Variants in CD247 observed in about 807,000 individuals in gnomAD.
The protein encoded by CD247 is CD247 molecule.
CD247 carries 13 observed loss-of-function variants against 30.0 expected under a neutral mutation model. That is an observed-to-expected ratio of 0.43 (90% confidence interval 0.28 to 0.69). The LOEUF (loss-of-function observed/expected upper bound fraction) is 0.69. CD247 is among the 30% of genes least tolerant of loss of function. The probability of loss-of-function intolerance (pLI) is 0.16; values close to 1 mark genes in which losing one functional copy is unlikely to be tolerated. For synonymous variants in CD247, 72 were observed against 80.0 expected, an observed-to-expected ratio of 0.90 and a Z score of 0.53; for missense variants, 193 against 212.6, an observed-to-expected ratio of 0.91 and a Z score of 0.57.
At chr1:167,448,150 G>A (rs1652181945) in intron 1 of CD247, among the ~76,000 whole-genome samples, 1 of 152,182 alleles carries the variant, frequency 6.6e-6, no homozygotes, top group African/African-American at 2.4e-5. Context: ...TATAACCACT[G>A]GTTGAAGATT....
At chr1:167,496,425 C>T (rs970512191) in intron 1 of CD247, among the ~76,000 whole-genome samples, 1 of 152,178 alleles carries the variant, frequency 6.6e-6, no homozygotes, top group South Asian at 2.1e-4. Context: ...CCCTGCAACC[C>T]CCCTGCTCTT....
At chr1:167,505,614 C>T (rs999879864) in intron 1 of CD247, among the ~76,000 whole-genome samples, 1 of 152,234 alleles carries the variant, frequency 6.6e-6, no homozygotes, top group African/African-American at 2.4e-5. Flanking sequence ...AGCAGGTAGG[C>T]AGGTCAGGGC....
chr1:167,447,859 G>A (rs1652159453), intron 1 of CD247, among the ~76,000 whole-genome samples: 1 of 151,332 alleles, frequency 6.6e-6, no homozygotes, highest in South Asian at 2.1e-4. Flanking sequence ...TCCTGCTGCT[G>A]CCAGCTCCAC....
chr1:167,513,008 A>G (rs541817315), intron 1 of CD247, among the ~76,000 whole-genome samples: 1 of 152,378 alleles, frequency 6.6e-6, no homozygotes, highest in Non-Finnish European at 1.5e-5. Flanking sequence ...ATTCTTTCAA[A>G]TGTCATTCCT....
chr1:167,496,105 G>C (rs35935023), intron 1 of CD247, among the ~76,000 whole-genome samples: 1 of 152,156 alleles, frequency 6.6e-6, no homozygotes, highest in African/African-American at 2.4e-5. Context: ...CTGCTACATA[G>C]TAAATAATAA....
chr1:167,493,724 C>G (rs540884704), intron 1 of CD247, among the ~76,000 whole-genome samples: 35 of 152,282 alleles, frequency 2.3e-4, no homozygotes, highest in Non-Finnish European at 4.9e-4. Flanking sequence ...CAGAAGAAAA[C>G]AGGACCAGAG....
rs566859440 is a variant in CD247, at chr1:167,514,569, C to T, written c.58+3839G>A. The stretch of plus-strand genomic sequence containing the variant: ...TACTATGTACATGCGCTGACTAAAG[C>T]GATCATTTTGTTTTGATTAACAGGT... On this transcript the variant is annotated intron_variant, in intron 1 of 7. Transcript: ENST00000362089. Among the ~76,000 whole-genome samples the T allele has an allele frequency of 3.3e-5, 5 of 152,064 alleles. No homozygotes were observed. In the South Asian group the frequency reaches 6.2e-4, roughly 19 times the overall value.
chr1:167,472,153 G>A (rs781060094), intron 1 of CD247, among the ~76,000 whole-genome samples: 2 of 152,108 alleles, frequency 1.3e-5, no homozygotes, highest in African/African-American at 2.4e-5. Flanking sequence ...TTCTAAGAGC[G>A]TGTTACATAT....
At chr1:167,490,975 A>G (rs923765866) in intron 1 of CD247, among the ~76,000 whole-genome samples, 3 of 151,806 alleles carry the variant, frequency 2.0e-5, no homozygotes, top group African/African-American at 7.2e-5. Context: ...TAATAAATAA[A>G]AAGAAATTAT....
chr1:167,463,811 G>A (rs1248497005), intron 1 of CD247, among the ~76,000 whole-genome samples: 2 of 152,198 alleles, frequency 1.3e-5, no homozygotes, highest in Non-Finnish European at 2.9e-5. Context: ...TTAAATCAGC[G>A]ATTCATTTGG....
At chr1:167,438,803 C>A (rs377019118) in intron 3 of CD247, among the ~76,000 whole-genome samples, 153 bp from the exon 4 acceptor site, 14 of 152,108 alleles carry the variant, frequency 9.2e-5, no homozygotes, top group Admixed American at 2.6e-4. Context: ...CATCTGGAGA[C>A]CATCATCCCA....
In CD247 at chr1:167,432,828, T is replaced by A. The variant is rs528952659; in HGVS notation, c.429+196A>T. Among the ~76,000 whole-genome samples the A allele has an allele frequency of 3.3e-5, 5 of 152,322 alleles. No individual in the cohort carries two copies. The East Asian group carries it at 9.7e-4, about 29-fold the overall frequency. Reference sequence around the variant, plus strand: ...CATGGTTGGAGCCAAGTAATTCGCTTGAATGGCCAAGTCCCAGCTGTGCTC... The same window carrying A: ...CATGGTTGGAGCCAAGTAATTCGCTAGAATGGCCAAGTCCCAGCTGTGCTC... On this transcript the variant is annotated intron_variant, in intron 7 of 7. Transcript: ENST00000362089.
Position 167,482,920 on chromosome 1 carries a change from G to T in CD247, c.58+35488C>A, listed in dbSNP as rs184093687. Among the ~76,000 whole-genome samples the T allele has an allele frequency of 2.6e-3, 397 of 152,322 alleles. 3 individuals are homozygous for T. The highest frequency in any genetic ancestry group is 9.0e-3 in the African/African-American group (376 of 41,574). On this transcript the variant is annotated intron_variant, in intron 1 of 7. Transcript: ENST00000362089. ...TGGGTAAGCCCTTGTTTGGCTCATG[G>T]TTTTGGCCCTCTCTGAGGTGCCTAA... is the stretch of plus-strand genomic sequence containing the variant.
chr1:167,469,558 T>A (rs1653414237), intron 1 of CD247, among the ~76,000 whole-genome samples: 1 of 152,238 alleles, frequency 6.6e-6, no homozygotes, highest in Non-Finnish European at 1.5e-5. Context: ...CTGCATTTTT[T>A]AATCTGACAT....
intron 1 of CD247, among the ~76,000 whole-genome samples, chr1:167,454,737 G>T (rs1652551008): frequency 6.6e-6 from 1 of 152,194 alleles, no homozygotes; most frequent in South Asian, 2.1e-4. Flanking sequence ...GCGCTTTTCC[G>T]ATCCACCGAA....
At chr1:167,470,023 C>T (rs541416727) in intron 1 of CD247, among the ~76,000 whole-genome samples, 1 of 152,288 alleles carries the variant, frequency 6.6e-6, no homozygotes, top group African/African-American at 2.4e-5. Context: ...AAGTGATTCT[C>T]TTGCCTCAGC....
intron 1 of CD247, among the ~76,000 whole-genome samples, chr1:167,496,168 G>C (rs77162673): frequency 6.6e-6 from 1 of 152,200 alleles, no homozygotes; most frequent in Non-Finnish European, 1.5e-5. Context: ...GTGTTTGTGT[G>C]TTTGTTCATT....
intron 1 of CD247, among the ~76,000 whole-genome samples, chr1:167,512,369 G>C (rs755134128): frequency 4.6e-5 from 7 of 152,142 alleles, no homozygotes; most frequent in Non-Finnish European, 1.0e-4. Flanking sequence ...GGAAGTTCAG[G>C]CTCTGAATTC....
intron 1 of CD247, among the ~76,000 whole-genome samples, chr1:167,443,805 G>A (rs1243071511): frequency 6.6e-6 from 1 of 152,088 alleles, no homozygotes; most frequent in African/African-American, 2.4e-5. Flanking sequence ...GTTGGGTGGA[G>A]GAGAGGATAT....
Sources: gnomAD v4.1 joint callset for allele counts (sites outside exome capture counted in the v4.1 genomes callset) on GRCh38, gnomAD v4.1.1 for gene constraint, MANE v1.5 for transcripts, NCBI Gene and HGNC (gene_info 2026-07-23, HGNC 2026-07-21) for gene names.